Variants in TASOR observed in about 807,000 individuals in gnomAD.
TASOR encodes transcription activation suppressor, also known as protein TASOR.
In TASOR, 53 loss-of-function variants were observed where a neutral mutation model predicts 178.6. The ratio of observed to expected loss-of-function variants is 0.30; its 90% CI spans 0.24 to 0.37. The LOEUF is 0.37. Among genes scored for constraint, TASOR ranks in the 10% least tolerant of loss-of-function variants. The pLI is 1.00. For synonymous variants in TASOR, 713 were observed against 696.2 expected (o/e 1.02, Z -0.38); for missense variants, 1,815 against 1,971.4 (o/e 0.92, Z 1.50).
Position 56,621,818 on chromosome 3 carries a change from T to TAA in TASOR, c.*1217_*1218dup, listed in dbSNP as rs11401064. 11,311 of 133,886 alleles carry TAA rather than the reference T, an allele frequency of 0.084. 602 individuals carry two copies. Among genetic ancestry groups the TAA allele is most frequent in the African/African-American group, 0.15 (5,194 of 34,500 alleles). 8.3% of individuals were successfully genotyped at this position (133,886 alleles called of 1,614,324 possible). On this transcript the variant is annotated 3_prime_UTR_variant, in exon 24 of 24. Transcript: ENST00000683822. ...TACTTCTTTTGTAAAAGCTTAGTAGTAAAAAAAAAAAAAAAAAAACCGGTT... is the reference window on the plus strand; with the variant it reads ...TACTTCTTTTGTAAAAGCTTAGTAGTAAAAAAAAAAAAAAAAAAAAACCGGTT...
intron 11 of TASOR, 113 bp from the exon 12 acceptor site, chr3:56,649,170 T>A (rs1238023489): frequency 2.6e-5 from 16 of 619,910 alleles, no homozygotes; most frequent in Non-Finnish European, 3.9e-5. Flanking sequence ...AATCATCTTT[T>A]AAGAAAAAAT....
In TASOR at chr3:56,662,481, T is replaced by C; in HGVS notation, c.1064A>G (p.Asn355Ser). 1 of 1,482,392 alleles carries C rather than the reference T, an allele frequency of 6.7e-7. No homozygotes were observed. Among genetic ancestry groups the C allele is most frequent in the Non-Finnish European group, 9.2e-7 (1 of 1,091,202 alleles). 91.8% of individuals were successfully genotyped at this position (1,482,392 alleles called of 1,614,324 possible). The change falls in exon 9 of 24, where the codon AAC becomes AGC. Residue 355 changes from asparagine to serine, a missense_variant. Asn to Ser is a conservative substitution (Grantham distance 46). Around this residue, in one of 5 missense-constraint regions of TASOR, gnomAD observed 504 missense variants for 645.3 expected, o/e 0.78. Coordinates refer to ENST00000683822, the MANE Select transcript of TASOR (RefSeq NM_001365635.2). ...AAGCTGTCCTTTCCACAAGGTATAG[T>C]TATATTTATCTAAATAAAAAGAATA... ...FNTDRNIDKY[N>S]YTLWKGQLLN... is the part of the protein sequence containing the mutation.
rs114365696 is a variant in TASOR, at chr3:56,662,564, A to C, written c.1055-74T>G. 2.3e-3 allele frequency: 1,524 copies of C among 653,218 alleles called. 16 individuals carry two copies. In the African/African-American group the frequency reaches 0.025, roughly 11 times the overall value. The allele number at this position is 653,218 out of a possible 1,614,324, so 40.5% of individuals were successfully genotyped here. On this transcript the variant is annotated intron_variant, in intron 8 of 23. Coordinates refer to ENST00000683822, the MANE Select transcript of TASOR (RefSeq NM_001365635.2). Reference sequence around the variant, plus strand: ...AGAAGTGAGTGCACATTTATTAGAAATGAGACGGAAAATATCTAGAAACAA... The same window carrying C: ...AGAAGTGAGTGCACATTTATTAGAACTGAGACGGAAAATATCTAGAAACAA...
At chr3:56,668,586 C>A in intron 5 of TASOR, 28 bp from the exon 6 acceptor site, 1 of 1,430,396 alleles carries the variant, frequency 7.0e-7, no homozygotes, top group Non-Finnish European at 9.5e-7. Context: ...TTTTAAGTGT[C>A]TACCTAAACC....
intron 11 of TASOR, among the ~76,000 whole-genome samples, chr3:56,657,571 A>G (rs2077499846): frequency 6.6e-6 from 1 of 152,178 alleles, no homozygotes; most frequent in Non-Finnish European, 1.5e-5. Flanking sequence ...CTGCTCCACA[A>G]TAATAAAACT....
At chr3:56,665,918 G>A (rs1053383407) in intron 7 of TASOR, among the ~76,000 whole-genome samples, 10 of 152,092 alleles carry the variant, frequency 6.6e-5, no homozygotes, top group Non-Finnish European at 1.2e-4. Context: ...GCAGTGAGCC[G>A]AGATCCTGCC....
At chr3:56,638,488 T>C (rs762828805) in intron 17 of TASOR, among the ~76,000 whole-genome samples, 2 of 152,126 alleles carry the variant, frequency 1.3e-5, no homozygotes, top group Non-Finnish European at 2.9e-5. Flanking sequence ...GTGAAGAAAA[T>C]TTATATAAAT....
intron 14 of TASOR, among the ~76,000 whole-genome samples, chr3:56,645,502 C>T (rs1429140970): frequency 2.6e-5 from 4 of 152,142 alleles, no homozygotes; most frequent in East Asian, 3.8e-4. Context: ...TAACACAAAA[C>T]GTGGATTGTT....
At chr3:56,657,081 G>A (rs1238755829) in intron 11 of TASOR, among the ~76,000 whole-genome samples, 1 of 151,800 alleles carries the variant, frequency 6.6e-6, no homozygotes, top group African/African-American at 2.4e-5. Flanking sequence ...TGTAATCTCA[G>A]CACTTTCAGA....
At chr3:56,625,881 C>T (rs2076788242) in intron 21 of TASOR, among the ~76,000 whole-genome samples, 1 of 152,040 alleles carries the variant, frequency 6.6e-6, no homozygotes, top group Admixed American at 6.6e-5. Context: ...CTCAGCCTCC[C>T]AATGTGCTGG....
At chr3:56,639,879 G>T (rs2077087948) in intron 16 of TASOR, 107 bp downstream of exon 16, 2 of 901,126 alleles carry the variant, frequency 2.2e-6, no homozygotes, top group Non-Finnish European at 3.3e-6. Context: ...CAATTAAGAT[G>T]AAGCACCTAG....
rs182613326 is a variant in TASOR at position 56,677,267 on chromosome 3, C to T, written c.332-3542G>A. Reference sequence around the variant, plus strand: ...TTTGAGGTAGTAATAATAAACAACCCTGTGTCTATCCAAATAGGGAAAGCA... The same window carrying T: ...TTTGAGGTAGTAATAATAAACAACCTTGTGTCTATCCAAATAGGGAAAGCA... On this transcript the variant is annotated intron_variant, in intron 1 of 23. Coordinates refer to ENST00000683822, the MANE Select transcript of TASOR (RefSeq NM_001365635.2). 2.2e-3 allele frequency among the ~76,000 whole-genome samples: 333 copies of T among 152,228 alleles called. 3 individuals are homozygous for T. The highest frequency in any genetic ancestry group is 1.4e-3 in the Non-Finnish European group (97 of 68,012).
At chr3:56,670,922 C>T (rs1166151381) in intron 3 of TASOR, among the ~76,000 whole-genome samples, 6 of 102,714 alleles carry the variant, frequency 5.8e-5, no homozygotes, top group African/African-American at 2.4e-4. Flanking sequence ...GCCTGAGCAA[C>T]AGAGTGAGAC....
rs140848517 is a variant in TASOR at position 56,624,618 on chromosome 3, A to T, written c.4344T>A (p.Ser1448Arg). The change falls in exon 23 of 24, where the codon AGT becomes AGA. Residue 1448 changes from serine (S) to arginine (R), a missense_variant. This residue lies in a region of TASOR where 278 missense variants were observed against 257.1 expected (regional missense o/e 1.08). Transcript: ENST00000683822. ...LTEKNIKMLS[S>R]YTDNGIVVAT... The stretch of plus-strand genomic sequence containing the variant: ...CAACCACTATTCCATTATCTGTATA[A>T]CTGGAAAGCATCTTGATGTTCTTCT... The T allele has an allele frequency of 7.7e-4, 1,237 of 1,612,796 alleles. 6 individuals carry two copies. The highest frequency in any genetic ancestry group is 3.8e-4 in the Non-Finnish European group (445 of 1,179,698).
At chr3:56,629,769 C>T (rs1272781073) in intron 18 of TASOR, among the ~76,000 whole-genome samples, 1 of 152,104 alleles carries the variant, frequency 6.6e-6, no homozygotes, top group East Asian at 1.9e-4. Context: ...GGTCAGACAG[C>T]TATAATAAAA....
At chr3:56,677,411 G>C (rs2031399008) in intron 1 of TASOR, among the ~76,000 whole-genome samples, 1 of 152,150 alleles carries the variant, frequency 6.6e-6, no homozygotes, top group Admixed American at 6.5e-5. Context: ...ACTGTACTAA[G>C]AGCTTTACAT....
intron 11 of TASOR, among the ~76,000 whole-genome samples, chr3:56,650,618 T>C (rs548822210): frequency 6.6e-6 from 1 of 152,318 alleles, no homozygotes; most frequent in African/African-American, 2.4e-5. Flanking sequence ...ATAAAGGAAG[T>C]TCAAATATTC....
intron 23 of TASOR, chr3:56,623,907 A>AG (rs879433730): frequency 3.6e-5 from 47 of 1,322,398 alleles, no homozygotes; most frequent in Admixed American, 9.1e-5. Context: ...TTTGACATCT[A>AG]GCTTCACTGG....
chr3:56,657,881 T>C (rs1489324087), intron 11 of TASOR, among the ~76,000 whole-genome samples: 2 of 152,176 alleles, frequency 1.3e-5, no homozygotes, highest in Non-Finnish European at 2.9e-5. Context: ...TATAAGCAAA[T>C]AGAAAGTATT....
Sources: gnomAD v4.1 joint callset for allele counts (sites outside exome capture counted in the v4.1 genomes callset) on GRCh38, gnomAD v4.1.1 for gene constraint, gnomAD v4.1.1 regional missense constraint, MANE v1.5 for transcripts, NCBI Gene and HGNC (gene_info 2026-07-23, HGNC 2026-07-21) for gene names.